The following GMDS variants were observed in gnomAD, a reference collection of about 807,000 sequenced individuals.
The protein encoded by GMDS is GDP-mannose 4,6-dehydratase, also known as GDP-mannose 4,6 dehydratase.
A neutral mutation model predicts 49.9 loss-of-function variants in GMDS; 20 were observed. The observed-to-expected ratio is 0.40, with a 90% CI of 0.28 to 0.58. The LOEUF (loss-of-function observed/expected upper bound fraction) is 0.58, where lower values mean the gene tolerates loss of function less well. GMDS is among the 20% of genes least tolerant of loss of function. GMDS has a pLI of 0.42. For synonymous variants in GMDS, 177 were observed against 178.6 expected (o/e 0.99, Z 0.07); for missense variants, 362 against 481.4 (o/e 0.75, Z 2.32).
intron 8 of GMDS, among the ~76,000 whole-genome samples, chr6:1,732,798 A>T (rs1347394224): frequency 3.3e-5 from 5 of 152,230 alleles, no homozygotes; most frequent in Non-Finnish European, 4.4e-5. Flanking sequence ...GGTAGGAGAC[A>T]GCAGGGATTT....
At chr6:1,719,619 G>GT (rs1465912134) in intron 9 of GMDS, among the ~76,000 whole-genome samples, 6 of 68,664 alleles carry the variant, frequency 8.7e-5, no homozygotes, top group African/African-American at 4.1e-4. Flanking sequence ...CTGCTGATTT[G>GT]TTTAAAAAAA....
intron 1 of GMDS, among the ~76,000 whole-genome samples, chr6:2,244,698 C>T (rs1485215181): frequency 6.6e-6 from 1 of 152,192 alleles, no homozygotes; most frequent in Non-Finnish European, 1.5e-5. Flanking sequence ...CTCGGATACA[C>T]TTCCAAATGT....
intron 1 of GMDS, among the ~76,000 whole-genome samples, chr6:2,187,460 A>T (rs1268173470): frequency 6.6e-6 from 1 of 152,236 alleles, no homozygotes; most frequent in African/African-American, 2.4e-5. Flanking sequence ...CTGAGACAAA[A>T]TGCAAAATGG....
intron 9 of GMDS, among the ~76,000 whole-genome samples, chr6:1,723,119 A>G (rs1561757468): frequency 6.6e-6 from 1 of 152,130 alleles, no homozygotes; most frequent in Admixed American, 6.5e-5. Context: ...AATTACCAGC[A>G]CAGGTGGAAC....
intron 1 of GMDS, among the ~76,000 whole-genome samples, chr6:2,218,419 G>A (rs558496135): frequency 2.0e-5 from 3 of 152,208 alleles, no homozygotes; most frequent in Non-Finnish European, 2.9e-5. Context: ...TTTGACCACC[G>A]GAAGTGAAAA....
chr6:1,864,276 T>G (rs1758338360), intron 7 of GMDS, among the ~76,000 whole-genome samples: 1 of 152,170 alleles, frequency 6.6e-6, no homozygotes, highest in Non-Finnish European at 1.5e-5. Context: ...ATTACATATT[T>G]TTACATAATG....
At chr6:1,887,279 G>C (rs964517524) in intron 7 of GMDS, among the ~76,000 whole-genome samples, 1 of 113,524 alleles carries the variant, frequency 8.8e-6, no homozygotes, top group African/African-American at 2.5e-5. Flanking sequence ...CTGGTAAAAG[G>C]CAGTGCTGGC....
intron 9 of GMDS, chr6:1,624,766 C>T (rs753524877): frequency 2.8e-5 from 12 of 425,694 alleles, no homozygotes; most frequent in Non-Finnish European, 4.7e-5. Flanking sequence ...ACCGTGACCG[C>T]GATCCACCCC....
chr6:2,037,761 C>T (rs1368915200), intron 4 of GMDS, among the ~76,000 whole-genome samples: 1 of 152,122 alleles, frequency 6.6e-6, no homozygotes, highest in Non-Finnish European at 1.5e-5. Flanking sequence ...ACCGCTCAAG[C>T]CGCACTTTCC....
At chr6:1,928,345 C>T (rs1219875976) in intron 7 of GMDS, among the ~76,000 whole-genome samples, 1 of 146,460 alleles carries the variant, frequency 6.8e-6, no homozygotes, top group Non-Finnish European at 1.5e-5. Context: ...AGACTGGCAA[C>T]AGAGCGAGAC....
At chr6:1,733,996 G>T (rs1289122291) in intron 8 of GMDS, among the ~76,000 whole-genome samples, 1 of 152,324 alleles carries the variant, frequency 6.6e-6, no homozygotes, top group Non-Finnish European at 1.5e-5. Context: ...TGGGACAGGG[G>T]AAAGGAGGGC....
intron 7 of GMDS, among the ~76,000 whole-genome samples, chr6:1,851,906 G>A (rs1169649055): frequency 6.6e-6 from 1 of 152,164 alleles, no homozygotes; most frequent in Non-Finnish European, 1.5e-5. Flanking sequence ...AGGCACACAC[G>A]TGTGTGTCTT....
intron 7 of GMDS, among the ~76,000 whole-genome samples, chr6:1,928,826 G>A (rs1402631815): frequency 3.3e-5 from 5 of 152,042 alleles, no homozygotes; most frequent in East Asian, 1.9e-4. Flanking sequence ...AAAATTAGTC[G>A]GGTGTGGTGG....
At chr6:1,761,326 G>A (rs1768146522) in intron 7 of GMDS, among the ~76,000 whole-genome samples, 1 of 152,118 alleles carries the variant, frequency 6.6e-6, no homozygotes, top group Non-Finnish European at 1.5e-5. Context: ...AACTTATCGA[G>A]TATTTGAAAA....
Position 2,245,603 on chromosome 6 carries a change from G to C in GMDS, c.-181C>G, listed in dbSNP as rs960068100. 5.4e-6 allele frequency: 2 copies of C among 372,196 alleles called. No homozygotes were observed. The highest frequency in any genetic ancestry group is 2.1e-5 in the African/African-American group (1 of 46,880). The allele number at this position is 372,196 out of a possible 1,614,324, so 23.1% of individuals were successfully genotyped here. ...AGGGGCGCACGGGAGGCCGTGCAGG[G>C]AGGGCCGGGGGCGGGCCGAGCCGGC... On this transcript the variant is annotated 5_prime_UTR_variant, in exon 1 of 11. Coordinates refer to ENST00000380815, the MANE Select transcript of GMDS (RefSeq NM_001500.4).
intron 4 of GMDS, among the ~76,000 whole-genome samples, chr6:2,052,143 A>AAAAAAAAAAAAAAAAAAAAAAAAAAAAC (rs1770453878): frequency 6.7e-6 from 1 of 148,926 alleles, no homozygotes; most frequent in Non-Finnish European, 1.5e-5. Flanking sequence ...AAAAAAAAAA[A>AAAAAAAAAAAAAAAAAAAAAAAAAAAAC]CAGAAAAGAA....
chr6:1,955,212 C>T (rs933267237), intron 6 of GMDS, among the ~76,000 whole-genome samples: 3 of 151,994 alleles, frequency 2.0e-5, no homozygotes, highest in Non-Finnish European at 4.4e-5. Flanking sequence ...TAAGTGTACC[C>T]AAACAGAAAA....
At chr6:1,737,712 C>T (rs1767064676) in intron 8 of GMDS, among the ~76,000 whole-genome samples, 2 of 145,710 alleles carry the variant, frequency 1.4e-5, no homozygotes, top group African/African-American at 5.1e-5. Flanking sequence ...GCACACACCA[C>T]AAAGACACAC....
At chr6:1,800,629 CTT>C (rs879780270) in intron 7 of GMDS, among the ~76,000 whole-genome samples, 5 of 138,130 alleles carry the variant, frequency 3.6e-5, no homozygotes, top group Middle Eastern at 3.3e-3. Flanking sequence ...TTCTTTCTTT[CTT>C]TTTTTTTTTT....
Sources: allele counts gnomAD v4.1 joint callset (sites outside exome capture counted in the v4.1 genomes callset), GRCh38; gene constraint gnomAD v4.1.1; transcripts MANE v1.5; gene names NCBI Gene and HGNC (gene_info 2026-07-23, HGNC 2026-07-21).